Variants in SYPL2 observed in about 807,000 individuals in gnomAD.
SYPL2 encodes synaptophysin-like protein 2.
SYPL2 carries 24 observed loss-of-function variants against 31.3 expected under a neutral mutation model. The ratio of observed to expected loss-of-function variants is 0.77; its 90% CI spans 0.56 to 1.08. The LOEUF (loss-of-function observed/expected upper bound fraction) is 1.08. Ranked by LOEUF, SYPL2 falls within the 50% of genes least tolerant of loss-of-function variation. SYPL2 has a pLI of 0.00. For synonymous variants in SYPL2, 144 were observed against 143.1 expected, an observed-to-expected ratio of 1.01 and a Z score of -0.05; for missense variants, 342 against 360.1, an observed-to-expected ratio of 0.95 and a Z score of 0.41.
At chr1:109,474,395 T>C (rs1655933859) in intron 2 of SYPL2, among the ~76,000 whole-genome samples, 4 of 147,926 alleles carry the variant, frequency 2.7e-5, no homozygotes, top group African/African-American at 1.0e-4. Flanking sequence ...TGGAGTGCAG[T>C]GGCACGATCT....
Position 109,479,655 on chromosome 1 carries a change from C to T in SYPL2, c.*107C>T. On this transcript the variant is annotated 3_prime_UTR_variant, in exon 6 of 6. Transcript: ENST00000369872. Reference sequence around the variant, plus strand: ...CCTCCAATTCCCCTCCCCCATCATTCTGGTCTTTGAGCTTTGAGACGATGG... The same window carrying T: ...CCTCCAATTCCCCTCCCCCATCATTTTGGTCTTTGAGCTTTGAGACGATGG... The T allele has an allele frequency of 6.7e-7, 1 of 1,502,300 alleles. No individual in the cohort carries two copies. Among genetic ancestry groups the T allele is most frequent in the Non-Finnish European group, 8.9e-7 (1 of 1,119,864 alleles). The allele number at this position is 1,502,300 out of a possible 1,614,324, so 93.1% of individuals were successfully genotyped here.
Position 109,466,799 on chromosome 1 carries a change from A to G in SYPL2, c.-45A>G. 4 of 1,490,614 alleles carry G rather than the reference A, an allele frequency of 2.7e-6. No homozygotes were observed. The highest frequency in any genetic ancestry group is 2.2e-4 in the Middle Eastern group (1 of 4,584). The allele number at this position is 1,490,614 out of a possible 1,614,324, so 92.3% of individuals were successfully genotyped here. Reference sequence around the variant, plus strand: ...CCGCCGTGTCCGCCGCCTCCCGGCCAGAGAGCCAAGCCACCACGCCGCGCC... The same window carrying G: ...CCGCCGTGTCCGCCGCCTCCCGGCCGGAGAGCCAAGCCACCACGCCGCGCC... On this transcript the variant is annotated 5_prime_UTR_variant, in exon 1 of 6. Transcript: ENST00000369872.
rs982010013 is a variant in SYPL2, at chr1:109,475,656, G to A, written c.205G>A (p.Glu69Lys). 5.6e-6 allele frequency: 9 copies of A among 1,614,134 alleles called. No homozygotes were observed. Among genetic ancestry groups the A allele is most frequent in the East Asian group, 2.2e-5 (1 of 44,882 alleles). The change falls in exon 3 of 6, where the codon GAA becomes AAA. Residue 69 changes from glutamate (E) to lysine (K), a missense_variant. Transcript: ENST00000369872. ...ETGAMVRCNN[E>K]AKDVSSIIVA... ...AGGAGCAATGGTTCGCTGCAACAAC[G>A]AAGCCAAGGACGTGAGCTCCATCAT...
In SYPL2 at chr1:109,477,989, G is replaced by A. The variant is rs1656054190; in HGVS notation, c.628G>A (p.Gly210Ser). 1.9e-6 allele frequency: 3 copies of A among 1,614,066 alleles called. No homozygotes were observed. Among genetic ancestry groups the A allele is most frequent in the Admixed American group, 3.3e-5 (2 of 60,008 alleles). Residue 210 changes from glycine (G) to serine (S), a missense_variant, in exon 5 of 6, where the codon GGC becomes AGC. Physicochemically the swap from Gly to Ser is moderately conservative, Grantham distance 56 (BLOSUM62 0). Coordinates refer to ENST00000369872, the MANE Select transcript of SYPL2 (RefSeq NM_001040709.2). ...CAGTGCCGGGGCCACGCCCTCTATG[G>A]GCCTGGCCAACATCTCCGTGGTGAG... ...VCSAGATPSM[G>S]LANISVLFGF... is the part of the protein sequence containing the mutation.
In SYPL2 at chr1:109,479,767, A is replaced by G; in HGVS notation, c.*219A>G. 1.5e-6 allele frequency: 1 copy of G among 661,870 alleles called. No individual in the cohort carries two copies. The highest frequency in any genetic ancestry group is 2.5e-6 in the Non-Finnish European group (1 of 400,222). 41.0% of individuals were successfully genotyped at this position (661,870 alleles called of 1,614,324 possible). ...CTGGAGCCATGAATGGCAGGAGCTCAGTGCTTCTTGTGCAGTGCCTGGACC... is the reference window on the plus strand; with the variant it reads ...CTGGAGCCATGAATGGCAGGAGCTCGGTGCTTCTTGTGCAGTGCCTGGACC... On this transcript the variant is annotated 3_prime_UTR_variant, in exon 6 of 6. Transcript: ENST00000369872.
rs1656020955 is a variant in SYPL2, at chr1:109,476,991, G to T, written c.456+14G>T. 6.2e-7 allele frequency: 1 copy of T among 1,613,952 alleles called. No individual in the cohort carries two copies. The highest frequency in any genetic ancestry group is 1.3e-5 in the African/African-American group (1 of 74,926). On this transcript the variant is annotated intron_variant, in intron 4 of 5. Coordinates refer to ENST00000369872, the MANE Select transcript of SYPL2 (RefSeq NM_001040709.2). ...TTCCCGCTGGTGGTGAGTCAGCACA[G>T]GCCAGAAGGAATGGGGTGGAGAAAC...
chr1:109,473,959 C>A (rs1372257549), intron 2 of SYPL2, among the ~76,000 whole-genome samples: 1 of 151,890 alleles, frequency 6.6e-6, no homozygotes, highest in Non-Finnish European at 1.5e-5. Flanking sequence ...GCTCACCTGG[C>A]TAATTAGTGA....
At chr1:109,474,127 A>G (rs1655918156) in intron 2 of SYPL2, among the ~76,000 whole-genome samples, 1 of 152,196 alleles carries the variant, frequency 6.6e-6, no homozygotes, top group Non-Finnish European at 1.5e-5. Context: ...CCAAGTGCTT[A>G]ATGTCCAAGA....
chr1:109,466,731 C>T lies in SYPL2; in HGVS notation c.-113C>T. ...CACCGACGGCCGCTCGCGCTCCGGC[C>T]CCGCTCGCCTGCTCTGCCCCGGACC... On this transcript the variant is annotated 5_prime_UTR_variant, in exon 1 of 6. Transcript: ENST00000369872. 8.4e-7 allele frequency: 1 copy of T among 1,192,984 alleles called. No individual in the cohort carries two copies. The highest frequency in any genetic ancestry group is 1.1e-6 in the Non-Finnish European group (1 of 922,458). 73.9% of individuals were successfully genotyped at this position (1,192,984 alleles called of 1,614,324 possible). A position where few individuals can be genotyped will look rare whatever the true frequency, so the allele number is the denominator to read the frequency against.
intron 2 of SYPL2, among the ~76,000 whole-genome samples, chr1:109,474,323 CTTT>C (rs67683974): frequency 1.6e-4 from 12 of 75,424 alleles, no homozygotes; most frequent in Admixed American, 2.3e-4. Context: ...CTTTTCTTTT[CTTT>C]TTTTTTTTTT....
In SYPL2 at chr1:109,479,367, T is replaced by C. The variant is rs773049446; in HGVS notation, c.649-11T>C. On this transcript the variant is annotated splice_polypyrimidine_tract_variant and intron_variant, in intron 5 of 5. Coordinates refer to ENST00000369872, the MANE Select transcript of SYPL2 (RefSeq NM_001040709.2). Reference sequence around the variant, plus strand: ...TGACTATTCTCACAAATTCCCCTGATGTCTTTGCAGCTCTTTGGCTTTATC... The same window carrying C: ...TGACTATTCTCACAAATTCCCCTGACGTCTTTGCAGCTCTTTGGCTTTATC... The C allele has an allele frequency of 6.2e-6, 10 of 1,613,436 alleles. No homozygotes were observed. In the African/African-American group the frequency reaches 1.2e-4, roughly 19 times the overall value.
rs370328048 is a variant in SYPL2, at chr1:109,477,975, C to T, written c.614C>T (p.Ala205Val). ...GAGGAAGCAGTGTGCAGTGCCGGGG[C>T]CACGCCCTCTATGGGCCTGGCCAAC... The part of the protein sequence containing the change: ...HGEEAVCSAG[A>V]TPSMGLANIS... Residue 205 changes from alanine (A) to valine (V), a missense_variant, in exon 5 of 6, where the codon GCC (alanine) becomes GTC (valine). Ala to Val is a moderately conservative substitution (Grantham distance 64, BLOSUM62 0). Transcript: ENST00000369872. 1.2e-6 allele frequency: 2 copies of T among 1,614,094 alleles called. No homozygotes were observed. The highest frequency in any genetic ancestry group is 1.7e-6 in the Non-Finnish European group (2 of 1,180,056).
Position 109,478,190 on chromosome 1 carries a change from T to C in SYPL2, c.648+181T>C. 1 of 1,387,992 alleles carries C rather than the reference T, an allele frequency of 7.2e-7. No homozygotes were observed. The highest frequency in any genetic ancestry group is 1.5e-5 in the South Asian group (1 of 65,864). 86.0% of individuals were successfully genotyped at this position (1,387,992 alleles called of 1,614,324 possible). A position where few individuals can be genotyped will look rare whatever the true frequency, so the allele number is the denominator to read the frequency against. ...TCCTGGCTGACCCTGAGAGGACATT[T>C]TGGGATGAGGGGAACCCAAAAGCCA... On this transcript the variant is annotated intron_variant, in intron 5 of 5. Coordinates refer to ENST00000369872, the MANE Select transcript of SYPL2 (RefSeq NM_001040709.2). This position sits in a 1 kb window ranked among gnomAD's most constrained non-coding sequence, Gnocchi z 4.0.
At position 109,479,809 on chromosome 1, in the gene SYPL2, G is replaced by T. The variant is rs544201578; in HGVS notation, c.*261G>T. On this transcript the variant is annotated 3_prime_UTR_variant, in exon 6 of 6. Coordinates refer to ENST00000369872, the MANE Select transcript of SYPL2 (RefSeq NM_001040709.2). ...GCCTGGACCCAGGTATCTTACTTGG[G>T]GTCTTACTTGTACCCTTACAGTCTC... 119 of 514,964 alleles carry T rather than the reference G, an allele frequency of 2.3e-4. 1 individual carries two copies. Among genetic ancestry groups the T allele is most frequent in the Non-Finnish European group, 9.3e-5 (27 of 291,524 alleles). 31.9% of individuals were successfully genotyped at this position (514,964 alleles called of 1,614,324 possible).
chr1:109,469,667 G>A (rs10857788), intron 2 of SYPL2, among the ~76,000 whole-genome samples: 101,771 of 150,662 alleles, frequency 0.68, 35,084 homozygotes, highest in East Asian at 0.96. Context: ...ATAAGGGGAG[G>A]TCGCGTCTCT....
chr1:109,476,201 A>T (rs1194238789), intron 3 of SYPL2, among the ~76,000 whole-genome samples: 1 of 152,222 alleles, frequency 6.6e-6, no homozygotes, highest in Non-Finnish European at 1.5e-5. Flanking sequence ...TTGAGAGCTT[A>T]GGAAGTAGGG....
chr1:109,466,933 T>G, intron 1 of SYPL2, 36 bp downstream of exon 1: 1 of 1,532,170 alleles, frequency 6.5e-7, no homozygotes. Flanking sequence ...CACCCGCCCC[T>G]CTCCACCTAG....
At chr1:109,469,130 A>G (rs1047030205) in intron 2 of SYPL2, among the ~76,000 whole-genome samples, 7 of 152,222 alleles carry the variant, frequency 4.6e-5, no homozygotes, top group African/African-American at 1.7e-4. Flanking sequence ...TAAAAAGTAA[A>G]CAGGCATTAG....
intron 2 of SYPL2, among the ~76,000 whole-genome samples, chr1:109,469,166 AT>A (rs908544431): frequency 8.5e-5 from 13 of 152,358 alleles, no homozygotes; most frequent in African/African-American, 3.1e-4. Context: ...TGGAAATGTC[AT>A]TTGAGTTTTT....
Sources: gnomAD v4.1 joint callset for allele counts (sites outside exome capture counted in the v4.1 genomes callset) on GRCh38, gnomAD v4.1.1 for gene constraint, Gnocchi (gnomAD v3.1) non-coding constraint, MANE v1.5 for transcripts, NCBI Gene and HGNC (gene_info 2026-07-23, HGNC 2026-07-21) for gene names.